Variants in AK8 observed in about 807,000 individuals in gnomAD.
AK8 encodes the protein adenylate kinase 8, also known as ATP-AMP transphosphorylase 8.
AK8 carries 44 observed loss-of-function variants against 54.6 expected under a neutral mutation model. The ratio of observed to expected loss-of-function variants is 0.81; its 90% CI spans 0.63 to 1.04. AK8 has a LOEUF of 1.04. Among genes scored for constraint, AK8 ranks in the 50% least tolerant of loss-of-function variants. The pLI is 0.00. For missense variants in AK8, 555 were observed against 613.6 expected (o/e 0.90, Z 1.01); for synonymous variants, 239 against 245.6 (o/e 0.97, Z 0.25).
intron 11 of AK8, among the ~76,000 whole-genome samples, chr9:132,748,674 A>G (rs188741245): frequency 6.6e-6 from 1 of 152,034 alleles, no homozygotes; most frequent in East Asian, 1.9e-4. Context: ...TTAGATACAC[A>G]CAGACACCAT....
At chr9:132,774,012 T>C (rs1839095997) in intron 11 of AK8, among the ~76,000 whole-genome samples, 1 of 151,966 alleles carries the variant, frequency 6.6e-6, no homozygotes, top group East Asian at 1.9e-4. Context: ...AGAGGAAGCA[T>C]GGGGCCCCCC....
intron 5 of AK8, among the ~76,000 whole-genome samples, chr9:132,833,412 G>A (rs184780170): frequency 2.6e-5 from 4 of 152,280 alleles, no homozygotes; most frequent in Middle Eastern, 3.4e-3. Context: ...CGAGGTTCGC[G>A]GGTCTCACGT....
At chr9:132,863,862 CTCTCCT>C in intron 3 of AK8, 84 bp from the exon 4 acceptor site, 1 of 1,071,332 alleles carries the variant, frequency 9.3e-7, no homozygotes, top group Non-Finnish European at 1.4e-6. Flanking sequence ...TGGTCCTTCC[CTCTCCT>C]ATGGGAAAAG....
intron 10 of AK8, among the ~76,000 whole-genome samples, chr9:132,798,162 A>C (rs190158151): frequency 5.3e-5 from 8 of 152,288 alleles, no homozygotes; most frequent in African/African-American, 1.9e-4. Flanking sequence ...GACCTTTCCC[A>C]GTCAGCATCT....
At chr9:132,754,088 C>T (rs1046002669) in intron 11 of AK8, among the ~76,000 whole-genome samples, 2 of 152,152 alleles carry the variant, frequency 1.3e-5, no homozygotes, top group Non-Finnish European at 2.9e-5. Flanking sequence ...TGAGAACCCA[C>T]TGAGGTCAGC....
chr9:132,826,330 C>T lies in AK8; in HGVS notation c.757+524G>A, dbSNP rs1841867769. Reference sequence around the variant, plus strand: ...TCGCACAGGCTGCCCGCAGTGGCTCCCGAGCTGCTGTGAACATTGGCCATT... The same window carrying T: ...TCGCACAGGCTGCCCGCAGTGGCTCTCGAGCTGCTGTGAACATTGGCCATT... On this transcript the variant is annotated intron_variant, in intron 8 of 12. Transcript: ENST00000298545. This position sits in a 1 kb window ranked among gnomAD's most constrained non-coding sequence, Gnocchi z 4.5. Among the ~76,000 whole-genome samples, 4 of 152,170 alleles carry T rather than the reference C, an allele frequency of 2.6e-5. No homozygotes were observed. The South Asian group carries it at 8.3e-4, about 31-fold the overall frequency.
At chr9:132,802,497 A>G (rs1419888576) in intron 10 of AK8, among the ~76,000 whole-genome samples, 1 of 152,142 alleles carries the variant, frequency 6.6e-6, no homozygotes, top group African/African-American at 2.4e-5. Flanking sequence ...AACTCTCTGG[A>G]GTGCTTGTGC....
intron 10 of AK8, among the ~76,000 whole-genome samples, chr9:132,794,070 G>A (rs1402371739): frequency 6.6e-6 from 1 of 152,174 alleles, no homozygotes; most frequent in Admixed American, 6.5e-5. Flanking sequence ...CTGGGTTGCT[G>A]CCCTTGTCAC....
At chr9:132,766,138 A>T (rs1838715248) in intron 11 of AK8, among the ~76,000 whole-genome samples, 2 of 152,324 alleles carry the variant, frequency 1.3e-5, no homozygotes, top group South Asian at 2.1e-4. Flanking sequence ...TTGAGACAGG[A>T]TCTTGCTCTG....
chr9:132,760,939 T>C (rs1259294753), intron 11 of AK8, among the ~76,000 whole-genome samples: 1 of 152,230 alleles, frequency 6.6e-6, no homozygotes, highest in South Asian at 2.1e-4. Context: ...GATTTGCTAA[T>C]ATTTTGTTTA....
intron 5 of AK8, among the ~76,000 whole-genome samples, chr9:132,839,820 C>CGG (rs11368446): frequency 0.12 from 8,658 of 73,042 alleles, 948 homozygotes; most frequent in East Asian, 0.28. Context: ...TTTTTTTTGC[C>CGG]GGGGGGGGGG....
chr9:132,774,011 ATGGG>A (rs987064920), intron 11 of AK8, among the ~76,000 whole-genome samples: 3 of 152,122 alleles, frequency 2.0e-5, no homozygotes, highest in African/African-American at 7.2e-5. Flanking sequence ...GAGAGGAAGC[ATGGG>A]GCCCCCCTCT....
chr9:132,806,671 G>A (rs964016907), intron 10 of AK8, among the ~76,000 whole-genome samples: 2 of 152,190 alleles, frequency 1.3e-5, no homozygotes, highest in Admixed American at 6.5e-5. Flanking sequence ...GTCTATGGTC[G>A]ATCTTTAGTG....
At chr9:132,725,955 C>A in intron 12 of AK8, 30 bp from the exon 13 acceptor site, 6 of 1,598,510 alleles carry the variant, frequency 3.8e-6, no homozygotes, top group South Asian at 1.1e-5. Context: ...GCAGGTGACC[C>A]ATGGCCTGGC....
chr9:132,810,154 A>G (rs902710671), intron 10 of AK8, among the ~76,000 whole-genome samples: 1 of 152,234 alleles, frequency 6.6e-6, no homozygotes, highest in Non-Finnish European at 1.5e-5. Context: ...GTGAAATGAC[A>G]GAATTTATTG....
intron 11 of AK8, among the ~76,000 whole-genome samples, chr9:132,760,091 CT>C (rs1285622536): frequency 1.1e-4 from 16 of 152,198 alleles, no homozygotes; most frequent in African/African-American, 3.6e-4. Flanking sequence ...TCTTACATGC[CT>C]TTTAATAAAC....
intron 11 of AK8, among the ~76,000 whole-genome samples, chr9:132,760,645 G>C (rs535825269): frequency 6.6e-6 from 1 of 152,132 alleles, no homozygotes; most frequent in Non-Finnish European, 1.5e-5. Flanking sequence ...GGGAATCCTT[G>C]TCTTATGCTT....
At chr9:132,818,971 AAGTT>A (rs1479567478) in intron 9 of AK8, among the ~76,000 whole-genome samples, 1 of 152,238 alleles carries the variant, frequency 6.6e-6, no homozygotes. Context: ...AATCATAAGA[AAGTT>A]AGAGAAACTT....
rs1432307688 is a variant in AK8, at chr9:132,792,597, C to T, written c.1121+37G>A. The T allele has an allele frequency of 6.5e-6, 10 of 1,538,166 alleles. No homozygotes were observed. In the Admixed American group the frequency reaches 1.6e-4, roughly 24 times the overall value. On this transcript the variant is annotated intron_variant, in intron 11 of 12. Transcript: ENST00000298545. ...GCCCTGGAGAGGGGGTGCCCAGGGGCTTGGCCAGGGCTGCTGGCTTGGCTG... is the reference window on the plus strand; with the variant it reads ...GCCCTGGAGAGGGGGTGCCCAGGGGTTTGGCCAGGGCTGCTGGCTTGGCTG...
Sources: allele counts gnomAD v4.1 joint callset (sites outside exome capture counted in the v4.1 genomes callset), GRCh38; gene constraint gnomAD v4.1.1; non-coding constraint Gnocchi (gnomAD v3.1); transcripts MANE v1.5; gene names NCBI Gene and HGNC (gene_info 2026-07-23, HGNC 2026-07-21).